The following KCNAB1 variants were observed in gnomAD, a reference collection of about 807,000 sequenced individuals.
The protein encoded by KCNAB1 is potassium voltage-gated channel subfamily A regulatory beta subunit 1.
A neutral mutation model predicts 64.6 loss-of-function variants in KCNAB1; 35 were observed. That is an observed-to-expected ratio of 0.54 (90% CI 0.41 to 0.72). KCNAB1 has a LOEUF of 0.72. KCNAB1 is among the 30% of genes least tolerant of loss of function. The pLI, the probability that KCNAB1 is intolerant of heterozygous loss-of-function variation, is 0.00. For missense variants in KCNAB1, 401 were observed against 512.9 expected, an observed-to-expected ratio of 0.78 and a Z score of 2.11; for synonymous variants, 177 against 183.8, an observed-to-expected ratio of 0.96 and a Z score of 0.30.
intron 2 of KCNAB1, among the ~76,000 whole-genome samples, chr3:156,428,683 A>G (rs895039314): frequency 6.6e-6 from 1 of 152,176 alleles, no homozygotes; most frequent in Non-Finnish European, 1.5e-5. Context: ...GTAAGGAGTA[A>G]TGTGGTCACT....
At chr3:156,155,788 C>T (rs879376211) in intron 1 of KCNAB1, among the ~76,000 whole-genome samples, 1 of 152,162 alleles carries the variant, frequency 6.6e-6, no homozygotes, top group Non-Finnish European at 1.5e-5. Flanking sequence ...GAAGGACTCA[C>T]AGAACTCAGC....
chr3:156,131,683 G>A (rs1714005243), intron 1 of KCNAB1, among the ~76,000 whole-genome samples: 1 of 152,196 alleles, frequency 6.6e-6, no homozygotes, highest in Admixed American at 6.5e-5. Flanking sequence ...AGCAGATGTG[G>A]GAGGATTACT....
intron 1 of KCNAB1, among the ~76,000 whole-genome samples, chr3:156,143,948 C>CA (rs1714891373): frequency 6.6e-6 from 1 of 150,848 alleles, no homozygotes; most frequent in South Asian, 2.1e-4. Flanking sequence ...TTTTTTAAAT[C>CA]AGTGTCACCC....
At chr3:156,459,470 C>T (rs1457576970) in intron 4 of KCNAB1, among the ~76,000 whole-genome samples, 3 of 152,042 alleles carry the variant, frequency 2.0e-5, no homozygotes, top group Admixed American at 1.3e-4. Flanking sequence ...AATTGCTTCA[C>T]AGCAATTAGA....
At chr3:156,381,578 T>C (rs1204431908) in intron 1 of KCNAB1, among the ~76,000 whole-genome samples, 1 of 152,200 alleles carries the variant, frequency 6.6e-6, no homozygotes, top group Non-Finnish European at 1.5e-5. Flanking sequence ...AATAGGCTCT[T>C]CAGGGAAATT....
intron 1 of KCNAB1, among the ~76,000 whole-genome samples, chr3:156,138,805 T>C (rs1186534751): frequency 6.6e-6 from 1 of 152,208 alleles, no homozygotes; most frequent in Non-Finnish European, 1.5e-5. Flanking sequence ...TCAAGACCTG[T>C]CCAAGGTCAC....
intron 1 of KCNAB1, among the ~76,000 whole-genome samples, chr3:156,395,516 G>A (rs1004351180): frequency 2.6e-4 from 29 of 112,890 alleles, no homozygotes; most frequent in African/African-American, 9.8e-4. Context: ...CTGCACTCCA[G>A]CCTGGGCGAC....
intron 8 of KCNAB1, among the ~76,000 whole-genome samples, chr3:156,486,857 A>T (rs1056398276): frequency 6.6e-5 from 10 of 152,240 alleles, no homozygotes; most frequent in African/African-American, 2.2e-4. Flanking sequence ...TTGTTGGAGG[A>T]TGTGCTTATG....
chr3:156,148,192 T>G (rs565285794), intron 1 of KCNAB1, among the ~76,000 whole-genome samples: 7 of 152,306 alleles, frequency 4.6e-5, no homozygotes, highest in African/African-American at 1.7e-4. Context: ...CTTGCCTAGG[T>G]AACTCCAACC....
chr3:156,377,358 C>T lies in KCNAB1; in HGVS notation c.276-44258C>T, dbSNP rs145534163. 7.4e-4 allele frequency among the ~76,000 whole-genome samples: 112 copies of T among 152,198 alleles called. 1 individual carries two copies. The highest frequency in any genetic ancestry group is 2.5e-3 in the African/African-American group (105 of 41,524). On this transcript the variant is annotated intron_variant, in intron 1 of 13. Transcript: ENST00000490337. ...AGTTAGAGGAGGGATGAGCCCCTCCCGAGCCATGCGAACCAAGAGCCAGGG... is the reference window on the plus strand; with the variant it reads ...AGTTAGAGGAGGGATGAGCCCCTCCTGAGCCATGCGAACCAAGAGCCAGGG...
intron 1 of KCNAB1, among the ~76,000 whole-genome samples, chr3:156,261,948 T>C (rs1473351604): frequency 6.6e-6 from 1 of 151,988 alleles, no homozygotes; most frequent in Non-Finnish European, 1.5e-5. Context: ...TTTTTAAAAA[T>C]TTATTTCTTT....
intron 1 of KCNAB1, among the ~76,000 whole-genome samples, chr3:156,387,014 C>CTCTCTTTTTTTTTTTTTTTT (rs60888308): frequency 1.3e-4 from 12 of 90,522 alleles, no homozygotes; most frequent in African/African-American, 6.5e-4. Flanking sequence ...TTCTCTCTCT[C>CTCTCTTTTTTTTTTTTTTTT]TTTTTTTTTT....
intron 1 of KCNAB1, among the ~76,000 whole-genome samples, chr3:156,192,192 T>G (rs1713603564): frequency 6.6e-6 from 1 of 152,224 alleles, no homozygotes. Context: ...GCCTGTAGCA[T>G]GAGTTCATTC....
chr3:156,460,829 G>T (rs745783584), intron 5 of KCNAB1, among the ~76,000 whole-genome samples: 3 of 152,086 alleles, frequency 2.0e-5, no homozygotes, highest in Non-Finnish European at 4.4e-5. Flanking sequence ...ACTCTCTCTA[G>T]GAAGCAAAAC....
At chr3:156,392,556 C>T (rs1390925660) in intron 1 of KCNAB1, among the ~76,000 whole-genome samples, 2 of 152,180 alleles carry the variant, frequency 1.3e-5, no homozygotes, top group Non-Finnish European at 2.9e-5. Context: ...CCTTCTTTTT[C>T]TTGTTCCCAA....
At chr3:156,266,518 C>T (rs1382508411) in intron 1 of KCNAB1, among the ~76,000 whole-genome samples, 1 of 152,206 alleles carries the variant, frequency 6.6e-6, no homozygotes, top group Non-Finnish European at 1.5e-5. Flanking sequence ...CCAAGGAGCT[C>T]AGTTCACATT....
At chr3:156,194,001 A>C (rs528102935) in intron 1 of KCNAB1, among the ~76,000 whole-genome samples, 1 of 152,306 alleles carries the variant, frequency 6.6e-6, no homozygotes, top group African/African-American at 2.4e-5. Context: ...CATAAAGCAA[A>C]AGAATCTTAA....
At chr3:156,152,216 C>T (rs553345094) in intron 1 of KCNAB1, among the ~76,000 whole-genome samples, 90 of 152,298 alleles carry the variant, frequency 5.9e-4, no homozygotes, top group African/African-American at 2.1e-3. Context: ...GTGCTCAGCA[C>T]ATCCCCTGAG....
chr3:156,165,603 G>A (rs1454234547), intron 1 of KCNAB1, among the ~76,000 whole-genome samples: 1 of 152,118 alleles, frequency 6.6e-6, no homozygotes, highest in Admixed American at 6.5e-5. Flanking sequence ...ATAAAAGATA[G>A]CATGAAGTTT....
Sources: gnomAD v4.1 joint callset for allele counts (sites outside exome capture counted in the v4.1 genomes callset) on GRCh38, gnomAD v4.1.1 for gene constraint, MANE v1.5 for transcripts, NCBI Gene and HGNC (gene_info 2026-07-23, HGNC 2026-07-21) for gene names.